The following G3BP2 variants were observed in gnomAD, a reference collection of about 807,000 sequenced individuals.
The protein encoded by G3BP2 is ras GTPase-activating protein-binding protein 2.
A neutral mutation model predicts 56.7 loss-of-function variants in G3BP2; 11 were observed. The observed-to-expected ratio is 0.19, with a 90% CI of 0.12 to 0.32. The LOEUF is 0.32. Ranked by LOEUF, G3BP2 falls within the 10% of genes least tolerant of loss-of-function variation. The pLI, the probability that G3BP2 is intolerant of heterozygous loss-of-function variation, is 1.00. For missense variants in G3BP2, 340 were observed against 610.9 expected (o/e 0.56, Z 4.67); for synonymous variants, 165 against 191.6 (o/e 0.86, Z 1.15).
chr4:75,654,946 T>A (rs1174252950), intron 7 of G3BP2, 120 bp downstream of exon 7: 12 of 692,534 alleles, frequency 1.7e-5, no homozygotes, highest in Non-Finnish European at 2.8e-5. Context: ...CCACAGCTTC[T>A]TTCATATACA....
At chr4:75,669,858 C>A (rs140763525) in intron 1 of G3BP2, among the ~76,000 whole-genome samples, 13 of 152,106 alleles carry the variant, frequency 8.5e-5, no homozygotes, top group Admixed American at 2.0e-4. Context: ...TTCGGGAGGC[C>A]GAGATGGGTG....
At chr4:75,695,318 A>C (rs1476228193) in intron 3 of G3BP2, among the ~76,000 whole-genome samples, 1 of 152,114 alleles carries the variant, frequency 6.6e-6, no homozygotes, top group Admixed American at 6.5e-5. Context: ...AGATCCACAT[A>C]AGCTGTAATC....
chr4:75,683,566 T>TA (rs879652627), intron 3 of G3BP2, among the ~76,000 whole-genome samples: 171 of 144,148 alleles, frequency 1.2e-3, no homozygotes, highest in African/African-American at 2.1e-3. Context: ...CCATCTCAAT[T>TA]AAAAAAAAAA....
intron 3 of G3BP2, among the ~76,000 whole-genome samples, chr4:75,679,741 G>C (rs995255714): frequency 2.0e-5 from 3 of 152,138 alleles, no homozygotes; most frequent in Non-Finnish European, 4.4e-5. Flanking sequence ...CAAAGAATCA[G>C]ATTATCAATT....
At chr4:75,707,596 C>T (rs1279558147) in intron 3 of G3BP2, among the ~76,000 whole-genome samples, 64 of 104,754 alleles carry the variant, frequency 6.1e-4, no homozygotes, top group African/African-American at 2.2e-3. Context: ...GGTGACAGAG[C>T]GAGACTCAAA....
At chr4:75,652,088 T>C (rs1371901117) in intron 8 of G3BP2, among the ~76,000 whole-genome samples, 3 of 152,244 alleles carry the variant, frequency 2.0e-5, no homozygotes, top group African/African-American at 4.8e-5. Context: ...AACGTTCTTT[T>C]AAAGTTTAAA....
chr4:75,688,732 A>T (rs1718725896), intron 3 of G3BP2, among the ~76,000 whole-genome samples: 1 of 152,366 alleles, frequency 6.6e-6, no homozygotes, highest in Admixed American at 6.5e-5. Flanking sequence ...TTCCACAGGG[A>T]ACAGATTTCT....
intron 3 of G3BP2, among the ~76,000 whole-genome samples, chr4:75,717,206 G>C (rs1239882157): frequency 6.6e-6 from 1 of 152,116 alleles, no homozygotes; most frequent in Non-Finnish European, 1.5e-5. Context: ...ACTTTGGGAG[G>C]TTGAGGCGGG....
At chr4:75,711,810 G>C (rs183185013) in intron 3 of G3BP2, among the ~76,000 whole-genome samples, 6 of 152,152 alleles carry the variant, frequency 3.9e-5, no homozygotes, top group African/African-American at 1.4e-4. Flanking sequence ...ATTCAGGCTC[G>C]GGCATCAGCT....
At chr4:75,653,619 TTTA>T (rs1731876276) in intron 8 of G3BP2, among the ~76,000 whole-genome samples, 2 of 150,912 alleles carry the variant, frequency 1.3e-5, no homozygotes, top group Admixed American at 1.3e-4. Flanking sequence ...AAAACGATTC[TTTA>T]TTACGCCACA....
At chr4:75,692,152 T>C (rs564006748) in intron 3 of G3BP2, among the ~76,000 whole-genome samples, 1 of 152,226 alleles carries the variant, frequency 6.6e-6, no homozygotes, top group African/African-American at 2.4e-5. Context: ...GTCACTATTA[T>C]GTTCCTTTCT....
At chr4:75,706,255 C>T (rs1324099869) in intron 3 of G3BP2, among the ~76,000 whole-genome samples, 1 of 152,090 alleles carries the variant, frequency 6.6e-6, no homozygotes, top group Non-Finnish European at 1.5e-5. Flanking sequence ...TTTTGCTTTT[C>T]CTTTGGTAGA....
At chr4:75,678,803 A>G (rs1252145551) in intron 3 of G3BP2, among the ~76,000 whole-genome samples, 1 of 152,196 alleles carries the variant, frequency 6.6e-6, no homozygotes, top group Non-Finnish European at 1.5e-5. Flanking sequence ...GGACAATAAT[A>G]ATATCTACCT....
chr4:75,673,013 C>T (rs1733620382), intron 1 of G3BP2, 195 bp downstream of exon 1: 3 of 988,520 alleles, frequency 3.0e-6, no homozygotes, highest in East Asian at 1.1e-4. Flanking sequence ...GCCTCCCACC[C>T]CTCACCTAGA....
intron 5 of G3BP2, 93 bp from the exon 6 acceptor site, chr4:75,655,963 G>A: frequency 1.5e-6 from 1 of 674,734 alleles, no homozygotes; most frequent in Non-Finnish European, 2.6e-6. Context: ...TGGTATGATA[G>A]CAAAAAAGAA....
chr4:75,663,205 T>C (rs567313776), intron 1 of G3BP2, among the ~76,000 whole-genome samples: 20 of 152,334 alleles, frequency 1.3e-4, no homozygotes, highest in African/African-American at 4.6e-4. Flanking sequence ...GCTATGATAA[T>C]GTGCCTCAAA....
chr4:75,723,594 C>T (rs1577913335), intron 1 of G3BP2, among the ~76,000 whole-genome samples: 1 of 152,176 alleles, frequency 6.6e-6, no homozygotes, highest in Non-Finnish European at 1.5e-5. Context: ...TCCCAGCTTC[C>T]TCTGTCTAGC....
At chr4:75,699,366 G>C (rs1466956415) in intron 3 of G3BP2, among the ~76,000 whole-genome samples, 2 of 152,208 alleles carry the variant, frequency 1.3e-5, no homozygotes, top group African/African-American at 4.8e-5. Flanking sequence ...TCAATGGGCT[G>C]TTAATCCATC....
At chr4:75,704,083 G>C (rs1719450377) in intron 3 of G3BP2, among the ~76,000 whole-genome samples, 3 of 150,514 alleles carry the variant, frequency 2.0e-5, no homozygotes, top group African/African-American at 7.3e-5. Flanking sequence ...CCGTGGTGTG[G>C]TCTTGGCTCA....
Sources: allele counts gnomAD v4.1 joint callset (sites outside exome capture counted in the v4.1 genomes callset), GRCh38; gene constraint gnomAD v4.1.1; transcripts MANE v1.5; gene names NCBI Gene and HGNC (gene_info 2026-07-23, HGNC 2026-07-21).